The following IL4R variants were observed in gnomAD, a reference collection of about 807,000 sequenced individuals.
IL4R encodes the protein interleukin-4 receptor subunit alpha.
In IL4R, 17 loss-of-function variants were observed where a neutral mutation model predicts 41.5. The observed-to-expected ratio is 0.41, with a 90% CI of 0.28 to 0.61. The LOEUF is 0.61. Ranked by LOEUF, IL4R falls within the 20% of genes least tolerant of loss-of-function variation. The pLI, the probability that IL4R is intolerant of heterozygous loss-of-function variation, is 0.31. For synonymous variants in IL4R, 402 were observed against 422.9 expected (o/e 0.95, Z 0.61); for missense variants, 974 against 1,043.1 (o/e 0.93, Z 0.91).
intron 2 of IL4R, among the ~76,000 whole-genome samples, chr16:27,330,824 T>G (rs1324363717): frequency 6.6e-6 from 1 of 152,062 alleles, no homozygotes; most frequent in Non-Finnish European, 1.5e-5. Context: ...GAACTGGCTT[T>G]TTTCACTCTA....
At chr16:27,352,796 A>C in intron 7 of IL4R, 100 bp downstream of exon 7, 1 of 1,237,742 alleles carries the variant, frequency 8.1e-7, no homozygotes, top group South Asian at 1.4e-5. Flanking sequence ...TTTATATCAT[A>C]GGATGCCTCT....
chr16:27,355,742 C>T (rs1158018013), intron 7 of IL4R, 66 bp from the exon 8 acceptor site: 26 of 1,182,190 alleles, frequency 2.2e-5, no homozygotes. Flanking sequence ...GTCTCCAGTC[C>T]TGGGAAGTGG....
chr16:27,360,745 T>C (rs1447739814), intron 9 of IL4R, 21 bp from the exon 10 acceptor site: 1 of 1,613,956 alleles, frequency 6.2e-7, no homozygotes, highest in Non-Finnish European at 8.5e-7. Flanking sequence ...TGCTCTTTCA[T>C]TGGCTGTCTC....
At position 27,363,407 on chromosome 16, in the gene IL4R, G is replaced by A. The variant is rs1314362775; in HGVS notation, c.2055G>A (p.Lys685=). The change falls in exon 11 of 11, where the codon AAG becomes AAA. Residue 685 remains lysine (K), a synonymous_variant. Transcript: ENST00000395762. ...ACCTGGGTCTGGAGCCGGGGGAAAAGGTAGAGGACATGCCAAAGCCCCCAC... is the reference window on the plus strand; with the variant it reads ...ACCTGGGTCTGGAGCCGGGGGAAAAAGTAGAGGACATGCCAAAGCCCCCAC... The part of the protein sequence containing the change: ...PEHLGLEPGE[K]VEDMPKPPLP... 1 of 1,614,040 alleles carries A rather than the reference G, an allele frequency of 6.2e-7. No individual in the cohort carries two copies. Among genetic ancestry groups the A allele is most frequent in the Non-Finnish European group, 8.5e-7 (1 of 1,180,030 alleles).
chr16:27,319,962 C>G (rs944605946), intron 1 of IL4R, among the ~76,000 whole-genome samples: 14 of 152,178 alleles, frequency 9.2e-5, no homozygotes, highest in African/African-American at 2.4e-4. Context: ...CTCCACCTCC[C>G]CATGTTCAAG....
rs1213971937 is a variant in IL4R at position 27,363,114 on chromosome 16, C to G, written c.1762C>G (p.Gln588Glu). Residue 588 changes from glutamine (Q) to glutamate (E), a missense_variant, in exon 11 of 11, where the codon CAG becomes GAG. By Grantham distance (29) the Gln-to-Glu change is conservative. Coordinates refer to ENST00000395762, the MANE Select transcript of IL4R (RefSeq NM_000418.4). ...FVHAVEQGGT[Q>E]ASAVVGLGPP... The stretch of plus-strand genomic sequence containing the variant: ...ACATGCGGTGGAGCAGGGTGGCACC[C>G]AGGCCAGTGCGGTGGTGGGCTTGGG... 6.2e-7 allele frequency: 1 copy of G among 1,614,036 alleles called. No individual in the cohort carries two copies. The highest frequency in any genetic ancestry group is 8.5e-7 in the Non-Finnish European group (1 of 1,180,014).
At position 27,314,146 on chromosome 16, in the gene IL4R, G is replaced by C. The variant is rs2084554027; in HGVS notation, c.-152+126G>C. On this transcript the variant is annotated intron_variant, in intron 1 of 10. Coordinates refer to ENST00000395762, the MANE Select transcript of IL4R (RefSeq NM_000418.4). The stretch of plus-strand genomic sequence containing the variant: ...GGGGACCACCCCGACTCCGAGCGGG[G>C]CCCGAGCCCGCGACTCTCGGTGCGC... 12 of 960,538 alleles carry C rather than the reference G, an allele frequency of 1.2e-5. No individual in the cohort carries two copies. In the South Asian group the frequency reaches 3.8e-4, roughly 31 times the overall value. 59.5% of individuals were successfully genotyped at this position (960,538 alleles called of 1,614,324 possible). A position where few individuals can be genotyped will look rare whatever the true frequency, so the allele number is the denominator to read the frequency against.
At position 27,346,610 on chromosome 16, in the gene IL4R, C is replaced by T; in HGVS notation, c.505C>T (p.Pro169Ser). ...YAVNIWSEND[P>S]ADFRIYNVTY... ...AGTCAACATTTGGAGTGAAAACGAC[C>T]CGGCAGATGTGAGTGGGCATGCTTT... is the stretch of plus-strand genomic sequence containing the variant. The change falls in exon 6 of 11, where the codon CCG (proline) becomes TCG (serine). Residue 169 changes from proline (P) to serine (S), a missense_variant. By Grantham distance (74) the Pro-to-Ser change is moderately conservative (BLOSUM62 -1). Around this residue, in one of 3 missense-constraint regions of IL4R, gnomAD observed 284 missense variants for 313.4 expected, o/e 0.91. Coordinates refer to ENST00000395762, the MANE Select transcript of IL4R (RefSeq NM_000418.4). The T allele has an allele frequency of 6.2e-7, 1 of 1,614,030 alleles. No individual in the cohort carries two copies.
At chr16:27,350,302 C>T (rs867832214) in intron 6 of IL4R, among the ~76,000 whole-genome samples, 1 of 152,232 alleles carries the variant, frequency 6.6e-6, no homozygotes. Context: ...CTTGTTTGCT[C>T]ATGTTTAGAA....
intron 8 of IL4R, 29 bp downstream of exon 8, chr16:27,355,936 A>T: frequency 6.5e-7 from 1 of 1,534,992 alleles, no homozygotes; most frequent in Non-Finnish European, 9.0e-7. Context: ...GCTGCCGAGC[A>T]GTCCCTCTGG....
chr16:27,360,205 G>A (rs1358582666), intron 9 of IL4R, among the ~76,000 whole-genome samples: 2 of 152,102 alleles, frequency 1.3e-5, no homozygotes, highest in Non-Finnish European at 2.9e-5. Context: ...ATAGAGATGG[G>A]GTTTCTTCAT....
rs1439510902 is a variant in IL4R, at chr16:27,363,893, T to C, written c.*63T>C. The C allele has an allele frequency of 2.6e-6, 4 of 1,509,448 alleles. No homozygotes were observed. The highest frequency in any genetic ancestry group is 1.4e-5 in the African/African-American group (1 of 71,956). 93.5% of individuals were successfully genotyped at this position (1,509,448 alleles called of 1,614,324 possible). ...CTAGGGCTTATCCATGCCTGGGAAA[T>C]GCCACCTCCTGGAAGGCAGCCAGGC... On this transcript the variant is annotated 3_prime_UTR_variant, in exon 11 of 11. Transcript: ENST00000395762.
Position 27,346,588 on chromosome 16 carries a change from C to T in IL4R, c.483C>T (p.Val161=). The T allele has an allele frequency of 6.2e-7, 1 of 1,608,838 alleles. No individual in the cohort carries two copies. ...NYLYNHLTYA[V]NIWSENDPAD... is the part of the protein sequence containing the mutation. ...TGTATAATCATCTCACCTATGCAGT[C>T]AACATTTGGAGTGAAAACGACCCGG... The change falls in exon 6 of 11, where the codon GTC becomes GTT. Residue 161 remains valine (V), a synonymous_variant. Coordinates refer to ENST00000395762, the MANE Select transcript of IL4R (RefSeq NM_000418.4).
At chr16:27,358,879 A>T in intron 8 of IL4R, 37 bp from the exon 9 acceptor site, 1 of 1,507,802 alleles carries the variant, frequency 6.6e-7, no homozygotes, top group Middle Eastern at 1.7e-4. Flanking sequence ...ACCTGTCAAT[A>T]ATTCAGAGAT....
At chr16:27,317,339 C>A (rs952404450) in intron 1 of IL4R, among the ~76,000 whole-genome samples, 3 of 152,188 alleles carry the variant, frequency 2.0e-5, no homozygotes, top group Non-Finnish European at 4.4e-5. Context: ...GAGGGACAGA[C>A]TCCATCCTAC....
chr16:27,361,276 C>T (rs1282747249), intron 10 of IL4R, among the ~76,000 whole-genome samples: 1 of 151,878 alleles, frequency 6.6e-6, no homozygotes, highest in Non-Finnish European at 1.5e-5. Context: ...GTAGCTGATA[C>T]TACAGATGTG....
intron 3 of IL4R, 42 bp from the exon 4 acceptor site, chr16:27,342,079 T>C: frequency 1.2e-6 from 2 of 1,606,094 alleles, no homozygotes; most frequent in Non-Finnish European, 1.7e-6. Context: ...CCCTCACGCA[T>C]TGAGTTCCTG....
At chr16:27,336,407 TG>T (rs1334629692) in intron 2 of IL4R, among the ~76,000 whole-genome samples, 3 of 152,012 alleles carry the variant, frequency 2.0e-5, no homozygotes, top group African/African-American at 7.2e-5. Context: ...CCGGGTACAG[TG>T]GCTCACGCCT....
At chr16:27,352,995 GA>G (rs1454842021) in intron 7 of IL4R, among the ~76,000 whole-genome samples, 1 of 152,226 alleles carries the variant, frequency 6.6e-6, no homozygotes, top group African/African-American at 2.4e-5. Flanking sequence ...GAAATCTGGG[GA>G]GTGAGGTTCT....
Sources: allele counts gnomAD v4.1 joint callset (sites outside exome capture counted in the v4.1 genomes callset), GRCh38; gene constraint gnomAD v4.1.1; regional missense constraint gnomAD v4.1.1; transcripts MANE v1.5; gene names NCBI Gene and HGNC (gene_info 2026-07-23, HGNC 2026-07-21).